CTNNA2: variants seen among roughly 807,000 people sequenced by gnomAD.
CTNNA2 encodes the protein catenin alpha 2.
In CTNNA2, 42 loss-of-function variants were observed where a neutral mutation model predicts 101.0. That is an observed-to-expected ratio of 0.42 (90% CI 0.32 to 0.54). The LOEUF is 0.54. Among genes scored for constraint, CTNNA2 ranks in the 20% least tolerant of loss-of-function variants. The pLI is 0.14. For synonymous variants in CTNNA2, 450 were observed against 456.4 expected, an observed-to-expected ratio of 0.99 and a Z score of 0.18; for missense variants, 871 against 1,223.1, an observed-to-expected ratio of 0.71 and a Z score of 4.29.
intron 4 of CTNNA2, among the ~76,000 whole-genome samples, chr2:79,469,146 A>C (rs904841293): frequency 6.6e-6 from 1 of 152,172 alleles, no homozygotes; most frequent in Admixed American, 6.5e-5. Flanking sequence ...ACTAATAAAG[A>C]AGAAAAGAGA....
intron 2 of CTNNA2, among the ~76,000 whole-genome samples, chr2:79,659,421 G>A (rs1477519301): frequency 6.6e-6 from 1 of 150,932 alleles, no homozygotes; most frequent in Non-Finnish European, 1.5e-5. Flanking sequence ...ACATTTGGGT[G>A]GTTTCTATGG....
chr2:79,319,103 G>T (rs1269121988), intron 3 of CTNNA2, among the ~76,000 whole-genome samples: 1 of 152,176 alleles, frequency 6.6e-6, no homozygotes. Context: ...AAAAGTAGAT[G>T]TAGAGATTAA....
At chr2:79,518,360 T>TA (rs1245005305) in intron 1 of CTNNA2, among the ~76,000 whole-genome samples, 1 of 152,164 alleles carries the variant, frequency 6.6e-6, no homozygotes, top group Non-Finnish European at 1.5e-5. Context: ...GGGCTAGAGA[T>TA]AAAAAAGTCC....
intron 7 of CTNNA2, among the ~76,000 whole-genome samples, chr2:80,242,325 A>G (rs1671003974): frequency 6.6e-6 from 1 of 152,222 alleles, no homozygotes; most frequent in Non-Finnish European, 1.5e-5. Flanking sequence ...TCCAAAGCTC[A>G]GAGTTATAAT....
At chr2:80,092,325 C>G (rs1182810708) in intron 7 of CTNNA2, among the ~76,000 whole-genome samples, 1 of 152,084 alleles carries the variant, frequency 6.6e-6, no homozygotes, top group Non-Finnish European at 1.5e-5. Flanking sequence ...AGAGATAGCT[C>G]CCTTTGTAGT....
At chr2:80,575,773 AAC>A (rs963963067) in intron 13 of CTNNA2, among the ~76,000 whole-genome samples, 3 of 151,516 alleles carry the variant, frequency 2.0e-5, no homozygotes, top group Non-Finnish European at 4.4e-5. Context: ...CATGAGCTGT[AAC>A]ACACACACAC....
At chr2:79,776,267 A>T (rs1030723594) in intron 3 of CTNNA2, among the ~76,000 whole-genome samples, 1 of 151,656 alleles carries the variant, frequency 6.6e-6, no homozygotes, top group African/African-American at 2.4e-5. Context: ...AACTTTTGGA[A>T]TTTTTTTTTA....
chr2:79,327,370 T>A (rs1676770153), intron 3 of CTNNA2, among the ~76,000 whole-genome samples: 1 of 152,214 alleles, frequency 6.6e-6, no homozygotes, highest in Non-Finnish European at 1.5e-5. Context: ...CCAAGAGGTA[T>A]AATGGCTAAA....
chr2:80,516,338 C>CGCAGAAGCTATGTGATTTCCAT (rs1689106962), intron 9 of CTNNA2, among the ~76,000 whole-genome samples: 1 of 152,100 alleles, frequency 6.6e-6, no homozygotes, highest in Admixed American at 6.5e-5. Context: ...ACATAAAAGC[C>CGCAGAAGCTATGTGATTTCCAT]GCAGAAGCTA....
intron 7 of CTNNA2, among the ~76,000 whole-genome samples, chr2:80,206,978 T>C (rs1323655897): frequency 2.0e-5 from 3 of 152,140 alleles, no homozygotes; most frequent in Non-Finnish European, 4.4e-5. Context: ...TGAAGGCTCC[T>C]GTGTTCTAGG....
intron 1 of CTNNA2, among the ~76,000 whole-genome samples, chr2:79,575,086 T>C (rs1675705009): frequency 6.6e-6 from 1 of 152,170 alleles, no homozygotes; most frequent in South Asian, 2.1e-4. Flanking sequence ...TGTTTATTTC[T>C]TTAAGTTTGA....
chr2:80,457,611 G>A (rs1036307151), intron 9 of CTNNA2, among the ~76,000 whole-genome samples: 3 of 152,018 alleles, frequency 2.0e-5, no homozygotes, highest in Non-Finnish European at 4.4e-5. Context: ...TTTGCTCCTA[G>A]AATTCTTTCC....
chr2:79,897,602 C>T (rs1035200775), intron 6 of CTNNA2, among the ~76,000 whole-genome samples: 7 of 152,084 alleles, frequency 4.6e-5, no homozygotes, highest in East Asian at 3.9e-4. Context: ...GAAGCTGAGA[C>T]GCTTTTAGCA....
chr2:80,000,859 G>A (rs1692899527), intron 7 of CTNNA2, among the ~76,000 whole-genome samples: 1 of 152,120 alleles, frequency 6.6e-6, no homozygotes. Context: ...GCCAACAAGC[G>A]GGGAAGGGTG....
At chr2:80,305,413 G>T in intron 7 of CTNNA2, 3 of 979,482 alleles carry the variant, frequency 3.1e-6, no homozygotes, top group Non-Finnish European at 3.6e-6. Context: ...GTGGATTAAA[G>T]AACGATTGTA....
intron 7 of CTNNA2, among the ~76,000 whole-genome samples, chr2:80,271,966 G>A (rs140104083): frequency 3.5e-4 from 54 of 152,310 alleles, no homozygotes; most frequent in African/African-American, 1.2e-3. Flanking sequence ...TGCCTTGTAG[G>A]TGGAAGGCCA....
chr2:80,465,822 A>G (rs1684808475), intron 9 of CTNNA2, among the ~76,000 whole-genome samples: 1 of 152,170 alleles, frequency 6.6e-6, no homozygotes, highest in African/African-American at 2.4e-5. Flanking sequence ...TTGTTTCGTA[A>G]GCCCAAGCTT....
chr2:80,619,042 C>A, intron 17 of CTNNA2, 43 bp from the exon 18 acceptor site: 3 of 1,019,944 alleles, frequency 2.9e-6, no homozygotes, highest in Non-Finnish European at 2.6e-6. Context: ...TTTTCTTTTG[C>A]TCTCTCTCTC....
At chr2:80,279,187 C>T (rs1019173390) in intron 7 of CTNNA2, among the ~76,000 whole-genome samples, 1 of 151,856 alleles carries the variant, frequency 6.6e-6, no homozygotes, top group South Asian at 2.1e-4. Context: ...GGCAAGAGAC[C>T]TTGATAGCCT....
Sources: gnomAD v4.1 joint callset for allele counts (sites outside exome capture counted in the v4.1 genomes callset) on GRCh38, gnomAD v4.1.1 for gene constraint, MANE v1.5 for transcripts, NCBI Gene and HGNC (gene_info 2026-07-23, HGNC 2026-07-21) for gene names.